The following SLC41A2 variants were observed in gnomAD, a reference collection of about 807,000 sequenced individuals.
SLC41A2 encodes SLC41A1-like 1.
Under a neutral mutation model 58.3 loss-of-function variants are expected in SLC41A2, and 32 were observed. The observed-to-expected ratio is 0.55, with a 90% CI of 0.41 to 0.74. The LOEUF is 0.74. Among genes scored for constraint, SLC41A2 ranks in the 30% least tolerant of loss-of-function variants. The pLI, the probability that SLC41A2 is intolerant of heterozygous loss-of-function variation, is 0.00. For missense variants in SLC41A2, 514 were observed against 680.6 expected (o/e 0.76, Z 2.72); for synonymous variants, 190 against 235.0 (o/e 0.81, Z 1.75).
At chr12:104,842,646 A>G (rs1012104221) in intron 10 of SLC41A2, among the ~76,000 whole-genome samples, 2 of 152,102 alleles carry the variant, frequency 1.3e-5, no homozygotes, top group African/African-American at 4.8e-5. Context: ...GGTAACTGAG[A>G]CACAGAGAGA....
intron 3 of SLC41A2, among the ~76,000 whole-genome samples, chr12:104,897,724 A>G (rs2045362894): frequency 1.3e-5 from 2 of 152,182 alleles, no homozygotes; most frequent in Admixed American, 6.5e-5. Flanking sequence ...TTTAAAAAGT[A>G]AAGAGAAATG....
chr12:104,848,847 A>C (rs1481710953), intron 8 of SLC41A2, among the ~76,000 whole-genome samples: 1 of 152,028 alleles, frequency 6.6e-6, no homozygotes, highest in African/African-American at 2.4e-5. Flanking sequence ...TTTATCATTA[A>C]AAACTCTTAG....
chr12:104,907,087 G>C (rs1467678756), intron 3 of SLC41A2, among the ~76,000 whole-genome samples: 2 of 151,930 alleles, frequency 1.3e-5, no homozygotes, highest in Non-Finnish European at 2.9e-5. Context: ...TAGACTAATG[G>C]ATTCTTATTT....
intron 10 of SLC41A2, among the ~76,000 whole-genome samples, 200 bp from the exon 11 acceptor site, chr12:104,805,537 C>T (rs1340181884): frequency 6.6e-6 from 1 of 152,172 alleles, no homozygotes; most frequent in African/African-American, 2.4e-5. Flanking sequence ...TTTACAGGTA[C>T]TAAAATTTTT....
chr12:104,902,472 T>C (rs567245504), intron 3 of SLC41A2, among the ~76,000 whole-genome samples: 3 of 152,294 alleles, frequency 2.0e-5, no homozygotes, highest in African/African-American at 7.2e-5. Context: ...TTAGAATGTA[T>C]TGAGTGGTAT....
chr12:104,952,827 C>T (rs2048005781), intron 1 of SLC41A2, among the ~76,000 whole-genome samples: 1 of 152,136 alleles, frequency 6.6e-6, no homozygotes, highest in Non-Finnish European at 1.5e-5. Context: ...TCCACATGTT[C>T]TTTTTGCTCA....
intron 2 of SLC41A2, among the ~76,000 whole-genome samples, chr12:104,923,349 G>A (rs372091858): frequency 7.2e-6 from 1 of 139,690 alleles, no homozygotes. Flanking sequence ...GCAACAGAGT[G>A]AGACTCCATC....
chr12:104,806,333 C>G (rs11503464), intron 10 of SLC41A2, among the ~76,000 whole-genome samples: 1 of 151,586 alleles, frequency 6.6e-6, no homozygotes. Context: ...TTTGTCCTTG[C>G]GATAGTTTGC....
In SLC41A2 at chr12:104,805,244, C is replaced by CTGTT. The variant is rs1566085738; in HGVS notation, c.1626_1629dup (p.Ala544AsnfsTer5). 6.2e-7 allele frequency: 1 copy of CTGTT among 1,613,894 alleles called. No individual in the cohort carries two copies. Among genetic ancestry groups the CTGTT allele is most frequent in the Non-Finnish European group, 8.5e-7 (1 of 1,179,822 alleles). On this transcript the variant is annotated frameshift_variant, in exon 11 of 11. Transcript: ENST00000258538. LOFTEE classifies it high-confidence loss of function. ...GCTGTCCCGAGCAGATCACCCAATG[C>CTGTT]TGTTAGGTAGGGGATGGAGAAACTA...
intron 1 of SLC41A2, among the ~76,000 whole-genome samples, chr12:104,950,994 G>T (rs913012664): frequency 1.1e-4 from 17 of 152,012 alleles, no homozygotes; most frequent in Non-Finnish European, 1.5e-4. Flanking sequence ...CACTTTTTTT[G>T]ATTCTACATA....
intron 2 of SLC41A2, among the ~76,000 whole-genome samples, chr12:104,921,238 C>T (rs2046582086): frequency 6.6e-6 from 1 of 151,904 alleles, no homozygotes; most frequent in African/African-American, 2.4e-5. Context: ...AAACTGAAAA[C>T]TTTCCAAAAC....
intron 2 of SLC41A2, among the ~76,000 whole-genome samples, chr12:104,911,876 A>G (rs2046103283): frequency 6.6e-6 from 1 of 152,136 alleles, no homozygotes; most frequent in East Asian, 1.9e-4. Flanking sequence ...CCAGCAAACG[A>G]TTTTGTCCAT....
chr12:104,809,378 C>G (rs920248359), intron 10 of SLC41A2, among the ~76,000 whole-genome samples: 3 of 122,802 alleles, frequency 2.4e-5, no homozygotes, highest in African/African-American at 8.8e-5. Flanking sequence ...AGCTCTAACA[C>G]CTTTACCAGG....
At chr12:104,813,956 TGAAATAGAATA>T (rs2041284518) in intron 10 of SLC41A2, among the ~76,000 whole-genome samples, 1 of 152,100 alleles carries the variant, frequency 6.6e-6, no homozygotes, top group African/African-American at 2.4e-5. Context: ...GTTAAAAAAT[TGAAATAGAATA>T]GAATGGACTA....
chr12:104,950,620 T>C (rs1332365263), intron 1 of SLC41A2, among the ~76,000 whole-genome samples: 1 of 152,152 alleles, frequency 6.6e-6, no homozygotes, highest in Non-Finnish European at 1.5e-5. Context: ...CCCTACCACC[T>C]CAGTCTCCTG....
At position 104,958,190 on chromosome 12, in the gene SLC41A2, CT is replaced by C; in HGVS notation, c.-271del. 1 of 151,976 alleles carries C rather than the reference CT, an allele frequency of 6.6e-6. No homozygotes were observed. Among genetic ancestry groups the C allele is most frequent in the Non-Finnish European group, 1.5e-5 (1 of 68,094 alleles). The allele number at this position is 151,976 out of a possible 1,614,324, so 9.4% of individuals were successfully genotyped here. ...GGCGGGGGATGGAAGGGGCATTCAC[CT>C]GGTGCCCGGCACCGGTGGTGGCGGG... On this transcript the variant is annotated 5_prime_UTR_variant, in exon 1 of 11. Coordinates refer to ENST00000258538, the MANE Select transcript of SLC41A2 (RefSeq NM_001352171.3).
chr12:104,958,389 C>A (rs1354208058), upstream of SLC41A2: 1 of 150,166 alleles, frequency 6.7e-6, no homozygotes, highest in Non-Finnish European at 1.5e-5. Context: ...CGGGGAAGCC[C>A]GGGCCTTGGT....
intron 10 of SLC41A2, among the ~76,000 whole-genome samples, chr12:104,827,788 G>A (rs139107626): frequency 9.2e-5 from 14 of 152,206 alleles, no homozygotes; most frequent in East Asian, 3.9e-4. Flanking sequence ...GCCCCCTGTC[G>A]TCAGGAAACA....
At chr12:104,942,373 G>T (rs922747345) in intron 1 of SLC41A2, among the ~76,000 whole-genome samples, 2 of 151,712 alleles carry the variant, frequency 1.3e-5, no homozygotes, top group African/African-American at 4.8e-5. Context: ...AGCTACTCTG[G>T]AGACTGAGGT....
Sources: allele counts gnomAD v4.1 joint callset (sites outside exome capture counted in the v4.1 genomes callset), GRCh38; gene constraint gnomAD v4.1.1; transcripts MANE v1.5; gene names NCBI Gene and HGNC (gene_info 2026-07-23, HGNC 2026-07-21).